Variants in CAMTA1 observed in about 807,000 individuals in gnomAD.
The protein encoded by CAMTA1 is calmodulin-binding transcription activator 1.
In CAMTA1, 27 loss-of-function variants were observed where a neutral mutation model predicts 170.9. That is an observed-to-expected ratio of 0.16 (90% CI 0.12 to 0.22). The LOEUF (loss-of-function observed/expected upper bound fraction) is 0.22, where lower values mean the gene tolerates loss of function less well. Among genes scored for constraint, CAMTA1 ranks in the 10% least tolerant of loss-of-function variants. CAMTA1 has a pLI of 1.00. For synonymous variants in CAMTA1, 833 were observed against 891.5 expected, an observed-to-expected ratio of 0.93 and a Z score of 1.17; for missense variants, 1,619 against 2,217.2, an observed-to-expected ratio of 0.73 and a Z score of 5.42.
chr1:7,084,751 G>A (rs1487845513), intron 3 of CAMTA1, among the ~76,000 whole-genome samples: 4 of 152,192 alleles, frequency 2.6e-5, no homozygotes, highest in Non-Finnish European at 1.5e-5. Flanking sequence ...ATCCAGTACG[G>A]CGGCCATGTG....
At chr1:7,345,442 C>T (rs951832720) in intron 5 of CAMTA1, among the ~76,000 whole-genome samples, 3 of 152,228 alleles carry the variant, frequency 2.0e-5, no homozygotes, top group Non-Finnish European at 4.4e-5. Context: ...CAACTCCTTT[C>T]CCATGATCGC....
chr1:7,069,199 G>T (rs551260843), intron 3 of CAMTA1, among the ~76,000 whole-genome samples: 1 of 152,202 alleles, frequency 6.6e-6, no homozygotes, highest in Non-Finnish European at 1.5e-5. Flanking sequence ...CGAAGAGGCC[G>T]TTGTCATTTA....
intron 6 of CAMTA1, among the ~76,000 whole-genome samples, chr1:7,610,005 T>C (rs2095513046): frequency 6.6e-6 from 1 of 152,206 alleles, no homozygotes; most frequent in Non-Finnish European, 1.5e-5. Flanking sequence ...CCACACTGTG[T>C]GTGCACTCAC....
At chr1:7,544,591 CAGCTGA>C (rs1362531192) in intron 6 of CAMTA1, among the ~76,000 whole-genome samples, 1 of 152,244 alleles carries the variant, frequency 6.6e-6, no homozygotes, top group Non-Finnish European at 1.5e-5. Flanking sequence ...ACTTTCTATG[CAGCTGA>C]AGTTTACCCT....
intron 11 of CAMTA1, among the ~76,000 whole-genome samples, chr1:7,707,792 A>G (rs2096538110): frequency 6.6e-6 from 1 of 152,214 alleles, no homozygotes; most frequent in South Asian, 2.1e-4. Flanking sequence ...ACATCATGTC[A>G]TGGGGATGTT....
At chr1:7,584,538 C>G (rs925516241) in intron 6 of CAMTA1, among the ~76,000 whole-genome samples, 1 of 152,130 alleles carries the variant, frequency 6.6e-6, no homozygotes, top group African/African-American at 2.4e-5. Flanking sequence ...TAGACCCTAA[C>G]TAAAGTTTTA....
chr1:7,584,093 C>T (rs1211638285), intron 6 of CAMTA1, among the ~76,000 whole-genome samples: 1 of 150,266 alleles, frequency 6.7e-6, no homozygotes, highest in African/African-American at 2.5e-5. Context: ...ATAACACTTT[C>T]TTTCTTTGTG....
At chr1:7,627,695 A>G (rs1177084751) in intron 6 of CAMTA1, among the ~76,000 whole-genome samples, 1 of 152,240 alleles carries the variant, frequency 6.6e-6, no homozygotes, top group Non-Finnish European at 1.5e-5. Flanking sequence ...CCTCAGCATC[A>G]GATAGACCTG....
intron 5 of CAMTA1, among the ~76,000 whole-genome samples, chr1:7,267,562 T>A (rs1363863688): frequency 1.3e-5 from 2 of 152,190 alleles, no homozygotes; most frequent in Admixed American, 6.5e-5. Context: ...GCCTGTGACA[T>A]ACTCCATATT....
chr1:7,705,090 G>T (rs2149562769), intron 11 of CAMTA1, among the ~76,000 whole-genome samples: 1 of 151,326 alleles, frequency 6.6e-6, no homozygotes, highest in South Asian at 2.1e-4. Context: ...GCGCGGACCG[G>T]GCGTGTTTAC....
intron 5 of CAMTA1, among the ~76,000 whole-genome samples, chr1:7,436,870 T>A (rs746501391): frequency 3.2e-4 from 49 of 151,744 alleles, no homozygotes; most frequent in Non-Finnish European, 5.2e-4. Flanking sequence ...GGGTGTGGGA[T>A]GTAAAGAGGT....
At chr1:7,317,003 G>A (rs1375721754) in intron 5 of CAMTA1, among the ~76,000 whole-genome samples, 1 of 152,212 alleles carries the variant, frequency 6.6e-6, no homozygotes, top group Admixed American at 6.5e-5. Flanking sequence ...GTCTGCCAGG[G>A]GTGAGGAGGT....
intron 5 of CAMTA1, among the ~76,000 whole-genome samples, chr1:7,332,051 C>T (rs982829056): frequency 1.1e-4 from 17 of 152,146 alleles, no homozygotes; most frequent in African/African-American, 4.1e-4. Context: ...TACACGGTTC[C>T]AGGGAGACTC....
intron 3 of CAMTA1, among the ~76,000 whole-genome samples, chr1:6,919,251 A>C (rs1456397577): frequency 6.6e-6 from 1 of 152,182 alleles, no homozygotes; most frequent in African/African-American, 2.4e-5. Flanking sequence ...TCACCTCTCT[A>C]TCCCCTCAGG....
At chr1:7,350,136 T>TGG (rs1557566523) in intron 5 of CAMTA1, among the ~76,000 whole-genome samples, 1 of 152,144 alleles carries the variant, frequency 6.6e-6, no homozygotes, top group Non-Finnish European at 1.5e-5. Context: ...CTCACTCCTG[T>TGG]GGGCTCCCCA....
intron 5 of CAMTA1, among the ~76,000 whole-genome samples, chr1:7,348,097 G>T (rs1476765788): frequency 6.6e-6 from 1 of 152,142 alleles, no homozygotes; most frequent in Non-Finnish European, 1.5e-5. Context: ...GTGCTCACTC[G>T]CAGGGCCTCT....
intron 4 of CAMTA1, among the ~76,000 whole-genome samples, chr1:7,107,749 G>T (rs144067047): frequency 6.6e-6 from 1 of 152,282 alleles, no homozygotes; most frequent in Non-Finnish European, 1.5e-5. Context: ...GCACAGCCTA[G>T]CCCCCATTTA....
chr1:7,189,368 C>G (rs1558225439), intron 4 of CAMTA1, among the ~76,000 whole-genome samples: 1 of 152,082 alleles, frequency 6.6e-6, no homozygotes, highest in Non-Finnish European at 1.5e-5. Context: ...TCAAGCCATA[C>G]AAGAGCACAT....
At chr1:7,194,811 T>C (rs1231690478) in intron 4 of CAMTA1, among the ~76,000 whole-genome samples, 1 of 152,222 alleles carries the variant, frequency 6.6e-6, no homozygotes, top group Non-Finnish European at 1.5e-5. Flanking sequence ...AGAGAAATAT[T>C]GGGCTCTTCT....
Sources: gnomAD v4.1 joint callset for allele counts (sites outside exome capture counted in the v4.1 genomes callset) on GRCh38, gnomAD v4.1.1 for gene constraint, MANE v1.5 for transcripts, NCBI Gene and HGNC (gene_info 2026-07-23, HGNC 2026-07-21) for gene names.